TRPS1: variants seen among roughly 807,000 people sequenced by gnomAD.
TRPS1 encodes zinc finger transcription factor Trps1.
A neutral mutation model predicts 101.2 loss-of-function variants in TRPS1; 6 were observed. The ratio of observed to expected loss-of-function variants is 0.06; its 90% confidence interval spans 0.03 to 0.12. The LOEUF is 0.12. Ranked by LOEUF, TRPS1 falls within the 10% of genes least tolerant of loss-of-function variation. The pLI is 1.00. For synonymous variants in TRPS1, 578 were observed against 589.8 expected (o/e 0.98, Z 0.29); for missense variants, 1,363 against 1,567.0 (o/e 0.87, Z 2.20).
intron 5 of TRPS1, among the ~76,000 whole-genome samples, chr8:115,564,866 T>C (rs950211615): frequency 1.3e-5 from 2 of 152,130 alleles, no homozygotes; most frequent in African/African-American, 4.8e-5. Flanking sequence ...GGTATACTTG[T>C]GAACACATTA....
At chr8:115,487,871 A>G (rs1241211875) in intron 5 of TRPS1, among the ~76,000 whole-genome samples, 13 of 152,246 alleles carry the variant, frequency 8.5e-5, no homozygotes, top group Admixed American at 8.5e-4. Context: ...AGGATTAAGA[A>G]TATTACATCA....
At chr8:115,651,161 A>G (rs1408834169) in intron 1 of TRPS1, among the ~76,000 whole-genome samples, 1 of 152,216 alleles carries the variant, frequency 6.6e-6, no homozygotes, top group Non-Finnish European at 1.5e-5. Flanking sequence ...AGTGTCTCAC[A>G]TATAATATCA....
chr8:115,441,900 T>A lies in TRPS1; in HGVS notation c.2701-23448A>T, dbSNP rs145357286. 1.7e-3 allele frequency among the ~76,000 whole-genome samples: 255 copies of A among 147,064 alleles called. 1 individual carries two copies. Among genetic ancestry groups the A allele is most frequent in the African/African-American group, 4.6e-3 (183 of 39,426 alleles). ...GAGAGAGAGAGAGAGAGAGAGAGAG[T>A]GTGTGTGTGTGTGTGTGTGTGTGTG... On this transcript the variant is annotated intron_variant, in intron 5 of 6. Coordinates refer to ENST00000395715, the MANE Select transcript of TRPS1 (RefSeq NM_014112.5).
intron 5 of TRPS1, among the ~76,000 whole-genome samples, chr8:115,539,122 T>C (rs1816391620): frequency 6.6e-6 from 1 of 152,184 alleles, no homozygotes; most frequent in Non-Finnish European, 1.5e-5. Flanking sequence ...GCTAATGTAT[T>C]GAGGGCCTAT....
intron 1 of TRPS1, among the ~76,000 whole-genome samples, chr8:115,635,457 G>A (rs1052573241): frequency 2.6e-5 from 4 of 152,122 alleles, no homozygotes; most frequent in Admixed American, 2.6e-4. Flanking sequence ...TAGTTTCTGA[G>A]GGCCAACTAT....
At chr8:115,591,829 C>A (rs1237734780) in intron 4 of TRPS1, among the ~76,000 whole-genome samples, 2 of 152,170 alleles carry the variant, frequency 1.3e-5, no homozygotes, top group Non-Finnish European at 2.9e-5. Flanking sequence ...GCTCAATTCA[C>A]ACTTCTTTTG....
intron 1 of TRPS1, among the ~76,000 whole-genome samples, chr8:115,663,822 A>G (rs1454103589): frequency 1.3e-5 from 2 of 151,788 alleles, no homozygotes; most frequent in Admixed American, 1.3e-4. Context: ...TCACCTAACT[A>G]ATGCTTAACA....
In TRPS1 at chr8:115,596,197, T is replaced by C. The variant is rs568448700; in HGVS notation, c.2096+7676A>G. Among the ~76,000 whole-genome samples, 3 of 152,060 alleles carry C rather than the reference T, an allele frequency of 2.0e-5. No individual in the cohort carries two copies. In the South Asian group the frequency reaches 6.2e-4, roughly 31 times the overall value. ...AATCTCCTAATACACAGTCTTGTCA[T>C]CGCATACACTACCAAAATATGTGTG... On this transcript the variant is annotated intron_variant, in intron 4 of 6. Transcript: ENST00000395715.
chr8:115,498,407 CTCTCTCTCTATATATATATATA>C (rs1306464164), intron 5 of TRPS1, among the ~76,000 whole-genome samples: 114 of 85,076 alleles, frequency 1.3e-3, no homozygotes, highest in African/African-American at 6.2e-3. Flanking sequence ...CTCTCTCTCT[CTCTCTCTCTATATATATATATA>C]TATATATATA....
At chr8:115,499,759 A>G (rs914554845) in intron 5 of TRPS1, among the ~76,000 whole-genome samples, 4 of 152,182 alleles carry the variant, frequency 2.6e-5, no homozygotes, top group Non-Finnish European at 5.9e-5. Flanking sequence ...AAAAATTAAT[A>G]AACAGAGATT....
chr8:115,514,622 C>T (rs564791784), intron 5 of TRPS1, among the ~76,000 whole-genome samples: 16 of 151,534 alleles, frequency 1.1e-4, no homozygotes, highest in African/African-American at 3.4e-4. Context: ...TAGAACTAAG[C>T]CTTCCATGCA....
intron 5 of TRPS1, among the ~76,000 whole-genome samples, chr8:115,461,860 A>C (rs546936108): frequency 4.1e-4 from 62 of 152,266 alleles, no homozygotes; most frequent in African/African-American, 1.4e-3. Flanking sequence ...TAAAATTGGG[A>C]ATTATTTTGA....
intron 5 of TRPS1, among the ~76,000 whole-genome samples, chr8:115,481,403 C>A (rs1018548585): frequency 6.6e-6 from 1 of 151,826 alleles, no homozygotes; most frequent in East Asian, 1.9e-4. Flanking sequence ...ATCAACCCCC[C>A]CCCACTCTTC....
At chr8:115,650,393 A>G (rs1375786058) in intron 1 of TRPS1, among the ~76,000 whole-genome samples, 1 of 152,192 alleles carries the variant, frequency 6.6e-6, no homozygotes, top group Non-Finnish European at 1.5e-5. Context: ...CAAGTAATGA[A>G]CTGTCCTAGA....
At chr8:115,501,654 C>T (rs763525379) in intron 5 of TRPS1, among the ~76,000 whole-genome samples, 2 of 152,114 alleles carry the variant, frequency 1.3e-5, no homozygotes, top group Non-Finnish European at 2.9e-5. Context: ...AAACAAAAAA[C>T]CCAGTTACTT....
At chr8:115,594,176 A>G (rs1221734348) in intron 4 of TRPS1, among the ~76,000 whole-genome samples, 2 of 152,126 alleles carry the variant, frequency 1.3e-5, no homozygotes, top group African/African-American at 2.4e-5. Flanking sequence ...TCATTAGTTA[A>G]AAACTCCTAA....
intron 5 of TRPS1, among the ~76,000 whole-genome samples, chr8:115,514,639 A>G (rs1815667095): frequency 6.6e-6 from 1 of 151,720 alleles, no homozygotes; most frequent in South Asian, 2.1e-4. Flanking sequence ...TGCAAAAGAT[A>G]TTTTGCACAA....
intron 5 of TRPS1, among the ~76,000 whole-genome samples, chr8:115,517,433 A>T (rs566916215): frequency 6.6e-6 from 1 of 151,650 alleles, no homozygotes; most frequent in South Asian, 2.1e-4. Flanking sequence ...TTTATACAAC[A>T]GTTATTATTA....
intron 5 of TRPS1, among the ~76,000 whole-genome samples, chr8:115,426,826 T>C (rs1386076300): frequency 6.6e-6 from 1 of 152,214 alleles, no homozygotes; most frequent in East Asian, 1.9e-4. Flanking sequence ...TAACACATAT[T>C]ATCCCAGTTC....
Sources: gnomAD v4.1 joint callset for allele counts (sites outside exome capture counted in the v4.1 genomes callset) on GRCh38, gnomAD v4.1.1 for gene constraint, MANE v1.5 for transcripts, NCBI Gene and HGNC (gene_info 2026-07-23, HGNC 2026-07-21) for gene names.